The following TNFAIP8 variants were observed in gnomAD, a reference collection of about 807,000 sequenced individuals.
TNFAIP8 encodes the protein TNF alpha induced protein 8, also known as tumor necrosis factor alpha-induced protein 8.
A neutral mutation model predicts 13.3 loss-of-function variants in TNFAIP8; 7 were observed. The observed-to-expected ratio is 0.52, with a 90% CI of 0.30 to 0.99. TNFAIP8 has a LOEUF of 0.99. Ranked by LOEUF, TNFAIP8 falls within the 50% of genes least tolerant of loss-of-function variation. The probability of loss-of-function intolerance (pLI) is 0.07; values close to 1 mark genes in which losing one functional copy is unlikely to be tolerated. For synonymous variants in TNFAIP8, 94 were observed against 87.6 expected (o/e 1.07, Z -0.41); for missense variants, 258 against 236.9 (o/e 1.09, Z -0.58).
At chr5:119,362,653 A>G (rs995219937) in intron 1 of TNFAIP8, among the ~76,000 whole-genome samples, 6 of 152,060 alleles carry the variant, frequency 3.9e-5, no homozygotes, top group Admixed American at 6.5e-5. Context: ...TTTAAAAATT[A>G]GGCACAGTGG....
intron 1 of TNFAIP8, among the ~76,000 whole-genome samples, chr5:119,286,697 A>G (rs1748809441): frequency 6.6e-6 from 1 of 151,542 alleles, no homozygotes; most frequent in Admixed American, 6.6e-5. Flanking sequence ...TGAGTTTGTC[A>G]TCTTGCATTT....
At chr5:119,331,516 G>A (rs7703998) in intron 1 of TNFAIP8, among the ~76,000 whole-genome samples, 14,418 of 152,102 alleles carry the variant, frequency 0.095, 788 homozygotes, top group African/African-American at 0.16. Flanking sequence ...CCTGTTTTTG[G>A]AGAGCTCTCT....
chr5:119,288,599 G>C (rs1226830958), intron 1 of TNFAIP8, among the ~76,000 whole-genome samples: 1 of 152,174 alleles, frequency 6.6e-6, no homozygotes, highest in African/African-American at 2.4e-5. Context: ...CAGCTGGAAG[G>C]CAGCCTTTCC....
intron 1 of TNFAIP8, among the ~76,000 whole-genome samples, chr5:119,286,915 G>A (rs1748815821): frequency 6.6e-6 from 1 of 152,148 alleles, no homozygotes; most frequent in African/African-American, 2.4e-5. Context: ...TTCTCTCCAT[G>A]TCCAAGGCCA....
At chr5:119,337,324 A>G (rs1400234280) in intron 1 of TNFAIP8, among the ~76,000 whole-genome samples, 2 of 152,252 alleles carry the variant, frequency 1.3e-5, no homozygotes, top group African/African-American at 4.8e-5. Context: ...TATGTTGTCT[A>G]TAAATGAGCT....
At chr5:119,356,674 A>G (rs1160025607) in intron 1 of TNFAIP8, among the ~76,000 whole-genome samples, 1 of 151,700 alleles carries the variant, frequency 6.6e-6, no homozygotes, top group Admixed American at 6.6e-5. Context: ...GGGCTGAAAG[A>G]TATGAGGGGG....
rs568487057 is a variant in TNFAIP8 at position 119,364,960 on chromosome 5, C to G, written c.31+8839C>G. ...TCTGCCTCCCAGGTTCAACTGATTC[C>G]CCTGCCTCAGCCTCCCGAGTAGCTG... On this transcript the variant is annotated intron_variant, in intron 1 of 1. Transcript: ENST00000504771. Among the ~76,000 whole-genome samples the G allele has an allele frequency of 2.7e-5, 4 of 150,040 alleles. No individual in the cohort carries two copies. The East Asian group carries it at 5.9e-4, about 22-fold the overall frequency.
At chr5:119,364,615 T>C (rs1751761601) in intron 1 of TNFAIP8, among the ~76,000 whole-genome samples, 2 of 152,150 alleles carry the variant, frequency 1.3e-5, no homozygotes, top group Admixed American at 1.3e-4. Context: ...ACCAAAGTGC[T>C]AGAATCACAG....
chr5:119,377,190 C>T (rs1752317124), intron 1 of TNFAIP8, among the ~76,000 whole-genome samples: 1 of 151,912 alleles, frequency 6.6e-6, no homozygotes, highest in South Asian at 2.1e-4. Flanking sequence ...TTGCTTGAGG[C>T]CAAGAGTTTG....
At chr5:119,367,944 T>A (rs1014569556) in intron 1 of TNFAIP8, among the ~76,000 whole-genome samples, 9 of 152,208 alleles carry the variant, frequency 5.9e-5, no homozygotes, top group African/African-American at 2.2e-4. Context: ...AATAAGAGGA[T>A]ATTTGAATAG....
At chr5:119,329,477 T>C (rs987396503) in intron 1 of TNFAIP8, among the ~76,000 whole-genome samples, 1 of 152,134 alleles carries the variant, frequency 6.6e-6, no homozygotes, top group Non-Finnish European at 1.5e-5. Context: ...CTACCTGGCC[T>C]TGTGAGGTCT....
intron 1 of TNFAIP8, among the ~76,000 whole-genome samples, chr5:119,283,202 C>T (rs1748687063): frequency 6.6e-6 from 1 of 152,272 alleles, no homozygotes; most frequent in Non-Finnish European, 1.5e-5. Context: ...CCTGTTAGGT[C>T]CTGGCCTGTG....
chr5:119,325,362 T>C (rs1326669011), intron 1 of TNFAIP8, among the ~76,000 whole-genome samples: 1 of 152,226 alleles, frequency 6.6e-6, no homozygotes, highest in Non-Finnish European at 1.5e-5. Flanking sequence ...TAATATAAAC[T>C]CCTTACCATG....
At chr5:119,294,996 G>A (rs1286545679) in intron 1 of TNFAIP8, among the ~76,000 whole-genome samples, 1 of 151,858 alleles carries the variant, frequency 6.6e-6, no homozygotes, top group African/African-American at 2.4e-5. Flanking sequence ...TAGGTTGCCT[G>A]TTCACTCTAA....
chr5:119,355,787 A>T (rs1751376357), upstream of TNFAIP8: 17 of 426,342 alleles, frequency 4.0e-5, 1 homozygote, highest in South Asian at 1.6e-3. Flanking sequence ...CCTGTGCCCC[A>T]CCTGCGTGCG....
chr5:119,353,599 GATGGTGA>G (rs1751259424), upstream of TNFAIP8, among the ~76,000 whole-genome samples: 1 of 152,240 alleles, frequency 6.6e-6, no homozygotes, highest in African/African-American at 2.4e-5. Flanking sequence ...TCCTGAGGCC[GATGGTGA>G]ATGTTCAAAG....
At chr5:119,280,332 A>T (rs200061948) in intron 1 of TNFAIP8, among the ~76,000 whole-genome samples, 6 of 90,278 alleles carry the variant, frequency 6.6e-5, no homozygotes, top group African/African-American at 3.3e-4. Flanking sequence ...CTTACCCATT[A>T]AAAAAAAAAA....
At chr5:119,314,280 C>T (rs1344537759) in intron 1 of TNFAIP8, among the ~76,000 whole-genome samples, 1 of 152,248 alleles carries the variant, frequency 6.6e-6, no homozygotes, top group Non-Finnish European at 1.5e-5. Context: ...CAGTGGTAAG[C>T]ACTCAGTATT....
intron 1 of TNFAIP8, among the ~76,000 whole-genome samples, chr5:119,331,471 G>A (rs149565637): frequency 1.3e-5 from 2 of 152,230 alleles, no homozygotes; most frequent in Non-Finnish European, 2.9e-5. Context: ...AGTGTCTTAG[G>A]GAAATGTCTG....
Sources: allele counts gnomAD v4.1 joint callset (sites outside exome capture counted in the v4.1 genomes callset), GRCh38; gene constraint gnomAD v4.1.1; transcripts MANE v1.5; gene names NCBI Gene and HGNC (gene_info 2026-07-23, HGNC 2026-07-21).